Variants in RAD51B observed in about 807,000 individuals in gnomAD.
RAD51B encodes RAD51 paralog B.
Under a neutral mutation model 42.2 loss-of-function variants are expected in RAD51B, and 38 were observed. That is an observed-to-expected ratio of 0.90 (90% CI 0.70 to 1.18). The LOEUF is 1.18. RAD51B is among the 50% of genes most tolerant of loss of function. RAD51B has a pLI of 0.00. For missense variants in RAD51B, 373 were observed against 400.7 expected (o/e 0.93, Z 0.59); for synonymous variants, 154 against 145.2 (o/e 1.06, Z -0.43).
chr14:68,054,486 C>T (rs1423705205), intron 7 of RAD51B, among the ~76,000 whole-genome samples: 1 of 152,144 alleles, frequency 6.6e-6, no homozygotes, highest in Non-Finnish European at 1.5e-5. Context: ...CTTTCAGCAT[C>T]ACACTATTCA....
intron 7 of RAD51B, among the ~76,000 whole-genome samples, chr14:68,114,740 C>A (rs148777170): frequency 1.3e-5 from 2 of 151,960 alleles, no homozygotes; most frequent in South Asian, 4.2e-4. Flanking sequence ...AGATCATCTG[C>A]CAGAGATAAT....
chr14:67,969,726 A>G (rs752827668), intron 7 of RAD51B, among the ~76,000 whole-genome samples: 1 of 152,208 alleles, frequency 6.6e-6, no homozygotes, highest in Non-Finnish European at 1.5e-5. Flanking sequence ...ATTTAAATAG[A>G]TAAAACTTAT....
intron 7 of RAD51B, among the ~76,000 whole-genome samples, chr14:68,014,078 A>C (rs2075733455): frequency 6.6e-6 from 1 of 152,160 alleles, no homozygotes; most frequent in South Asian, 2.1e-4. Context: ...TGGCATTGAA[A>C]TCAGAACTGA....
intron 5 of RAD51B, among the ~76,000 whole-genome samples, chr14:67,873,280 A>G (rs1307753575): frequency 2.0e-5 from 3 of 152,246 alleles, no homozygotes; most frequent in Non-Finnish European, 4.4e-5. Flanking sequence ...TGGGCGAAGG[A>G]CATGAACAGA....
intron 10 of RAD51B, among the ~76,000 whole-genome samples, chr14:68,632,044 C>T (rs1469217619): frequency 6.6e-6 from 1 of 152,218 alleles, no homozygotes; most frequent in Non-Finnish European, 1.5e-5. Flanking sequence ...CACTGTTGAC[C>T]TTTGCCTTTG....
chr14:68,247,458 G>C (rs1486209086), intron 7 of RAD51B, among the ~76,000 whole-genome samples: 1 of 152,182 alleles, frequency 6.6e-6, no homozygotes, highest in Non-Finnish European at 1.5e-5. Flanking sequence ...AAGTTACATA[G>C]CTAGTTAGTG....
chr14:67,960,084 CAA>C (rs530368478), intron 7 of RAD51B, among the ~76,000 whole-genome samples: 1 of 140,530 alleles, frequency 7.1e-6, no homozygotes. Flanking sequence ...GACTCCATCT[CAA>C]AAAAAAAAAA....
At position 68,563,914 on chromosome 14, in the gene RAD51B, G is replaced by A. The variant is rs553857413; in HGVS notation, c.1037-30571G>A. 3.6e-4 allele frequency: 351 copies of A among 985,214 alleles called. 9 individuals are homozygous for A. The South Asian group carries it at 0.014, about 40-fold the overall frequency. The allele number at this position is 985,214 out of a possible 1,614,324, so 61.0% of individuals were successfully genotyped here. ...GAGTAACGGCCACAGGCCGATTCTC[G>A]GCAATTAAAAATAATATTGGCCCTG... On this transcript the variant is annotated intron_variant, in intron 10 of 10. Coordinates refer to the RAD51B transcript ENST00000487270.
intron 7 of RAD51B, among the ~76,000 whole-genome samples, chr14:67,987,895 G>A (rs2075222340): frequency 6.6e-6 from 1 of 152,206 alleles, no homozygotes; most frequent in South Asian, 2.1e-4. Flanking sequence ...CCAAAGTTTA[G>A]AGGAATAAAG....
intron 8 of RAD51B, among the ~76,000 whole-genome samples, chr14:68,313,883 A>G (rs1214654551): frequency 6.6e-6 from 1 of 151,980 alleles, no homozygotes; most frequent in South Asian, 2.1e-4. Flanking sequence ...CTTAGTGCCT[A>G]GCTTCCTCCT....
chr14:67,989,494 T>G (rs955117197), intron 7 of RAD51B, among the ~76,000 whole-genome samples: 5 of 151,808 alleles, frequency 3.3e-5, no homozygotes, highest in African/African-American at 1.2e-4. Flanking sequence ...AAAAATTAGC[T>G]GGGCGTGGTG....
intron 7 of RAD51B, among the ~76,000 whole-genome samples, chr14:68,072,429 A>G (rs1426160194): frequency 1.3e-5 from 2 of 152,062 alleles, no homozygotes; most frequent in Non-Finnish European, 2.9e-5. Context: ...GGCAGGAAGC[A>G]TCCAGCATGG....
intron 7 of RAD51B, among the ~76,000 whole-genome samples, chr14:67,923,167 A>C (rs775357851): frequency 2.6e-5 from 4 of 151,962 alleles, no homozygotes; most frequent in Admixed American, 6.6e-5. Context: ...AACGGTCTCC[A>C]GTTCCATCTA....
At chr14:68,196,692 G>A (rs1388148149) in intron 7 of RAD51B, among the ~76,000 whole-genome samples, 2 of 151,088 alleles carry the variant, frequency 1.3e-5, no homozygotes, top group Non-Finnish European at 2.9e-5. Context: ...TTTAATATTA[G>A]TGGCCCACAC....
intron 7 of RAD51B, among the ~76,000 whole-genome samples, chr14:67,923,391 C>T (rs2044397380): frequency 6.6e-6 from 1 of 150,958 alleles, no homozygotes; most frequent in African/African-American, 2.4e-5. Flanking sequence ...CCTCTGCCTC[C>T]CGGGTTCAAG....
At chr14:68,246,923 A>G (rs1595601311) in intron 7 of RAD51B, among the ~76,000 whole-genome samples, 2 of 152,294 alleles carry the variant, frequency 1.3e-5, no homozygotes, top group East Asian at 3.9e-4. Flanking sequence ...AAGTTCTGAT[A>G]AAGGACACAA....
chr14:68,521,208 A>T (rs1015369230), intron 10 of RAD51B, among the ~76,000 whole-genome samples: 1 of 152,130 alleles, frequency 6.6e-6, no homozygotes, highest in Non-Finnish European at 1.5e-5. Flanking sequence ...CCCAGAGAGG[A>T]GGGAGTCCCA....
intron 7 of RAD51B, among the ~76,000 whole-genome samples, chr14:67,906,811 TTTC>T (rs2043794866): frequency 6.6e-6 from 1 of 151,836 alleles, no homozygotes. Context: ...TCCTTCTTTC[TTTC>T]TTTTTTTCTT....
At chr14:68,365,788 T>C (rs967705780) in intron 8 of RAD51B, among the ~76,000 whole-genome samples, 15 of 152,232 alleles carry the variant, frequency 9.9e-5, no homozygotes, top group Non-Finnish European at 1.6e-4. Context: ...TTATAAATCA[T>C]ATCTTCCACT....
Sources: gnomAD v4.1 joint callset for allele counts (sites outside exome capture counted in the v4.1 genomes callset) on GRCh38, gnomAD v4.1.1 for gene constraint, MANE v1.5 for transcripts, NCBI Gene and HGNC (gene_info 2026-07-23, HGNC 2026-07-21) for gene names.